The following CADM2 variants were observed in gnomAD, a reference collection of about 807,000 sequenced individuals.
The protein encoded by CADM2 is immunoglobulin superfamily member 4D.
A neutral mutation model predicts 49.8 loss-of-function variants in CADM2; 12 were observed. The ratio of observed to expected loss-of-function variants is 0.24; its 90% CI spans 0.15 to 0.39. The LOEUF (loss-of-function observed/expected upper bound fraction) is 0.39. Among genes scored for constraint, CADM2 ranks in the 10% least tolerant of loss-of-function variants. CADM2 has a pLI of 1.00. For synonymous variants in CADM2, 214 were observed against 175.4 expected, an observed-to-expected ratio of 1.22 and a Z score of -1.74; for missense variants, 378 against 492.3, an observed-to-expected ratio of 0.77 and a Z score of 2.20.
chr3:85,475,475 A>G (rs902991670), intron 1 of CADM2, among the ~76,000 whole-genome samples: 3 of 152,000 alleles, frequency 2.0e-5, no homozygotes, highest in Non-Finnish European at 4.4e-5. Flanking sequence ...ATTTATGGGA[A>G]TAAATTTTGG....
intron 1 of CADM2, among the ~76,000 whole-genome samples, chr3:85,558,492 CAT>C (rs1471947656): frequency 6.6e-6 from 1 of 151,894 alleles, no homozygotes; most frequent in African/African-American, 2.4e-5. Flanking sequence ...TATTACTAGA[CAT>C]ATTTATGCAA....
intron 1 of CADM2, among the ~76,000 whole-genome samples, chr3:85,159,324 G>T (rs1266442493): frequency 7.3e-6 from 1 of 136,406 alleles, no homozygotes; most frequent in Non-Finnish European, 1.5e-5. Flanking sequence ...TGGAGAGATG[G>T]GAGAAGACCC....
intron 1 of CADM2, among the ~76,000 whole-genome samples, chr3:85,041,449 G>A (rs1247188822): frequency 6.6e-6 from 1 of 152,146 alleles, no homozygotes; most frequent in East Asian, 1.9e-4. Context: ...GGAAGTGGGA[G>A]TCCGAAGAGG....
At chr3:85,198,326 C>T (rs2041398181) in intron 1 of CADM2, among the ~76,000 whole-genome samples, 1 of 151,112 alleles carries the variant, frequency 6.6e-6, no homozygotes, top group African/African-American at 2.4e-5. Flanking sequence ...TTAGAATGTC[C>T]TTTGGTACAG....
intron 8 of CADM2, 54 bp from the exon 9 acceptor site, chr3:86,065,551 A>G: frequency 6.4e-7 from 1 of 1,554,738 alleles, no homozygotes; most frequent in East Asian, 2.3e-5. Flanking sequence ...GCAGTTATGT[A>G]TTCTGTGACT....
intron 1 of CADM2, among the ~76,000 whole-genome samples, chr3:85,401,772 C>A (rs937668151): frequency 6.6e-6 from 1 of 152,172 alleles, no homozygotes; most frequent in South Asian, 2.1e-4. Context: ...ACCTCTCCCA[C>A]CCCCGCCAAA....
chr3:85,642,378 TA>T (rs1199998409), intron 1 of CADM2, among the ~76,000 whole-genome samples: 1 of 151,788 alleles, frequency 6.6e-6, no homozygotes, highest in Non-Finnish European at 1.5e-5. Context: ...AATGAAAAAC[TA>T]AAAAGTATTT....
intron 3 of CADM2, among the ~76,000 whole-genome samples, chr3:85,837,030 G>T (rs947465619): frequency 6.6e-6 from 1 of 151,472 alleles, no homozygotes; most frequent in Non-Finnish European, 1.5e-5. Flanking sequence ...GTTTCCATAC[G>T]ATATAGTTCA....
intron 6 of CADM2, among the ~76,000 whole-genome samples, chr3:85,917,176 A>G (rs1162997233): frequency 6.6e-6 from 1 of 151,948 alleles, no homozygotes; most frequent in Non-Finnish European, 1.5e-5. Context: ...GTTTAATTAG[A>G]TCCCATTTGT....
intron 1 of CADM2, among the ~76,000 whole-genome samples, chr3:85,722,146 G>A (rs1002529676): frequency 6.6e-6 from 1 of 152,140 alleles, no homozygotes; most frequent in South Asian, 2.1e-4. Flanking sequence ...CCTCTCTGCA[G>A]CTGGTTATCC....
intron 1 of CADM2, among the ~76,000 whole-genome samples, chr3:85,588,256 C>A (rs1268608669): frequency 6.6e-6 from 1 of 151,994 alleles, no homozygotes; most frequent in Non-Finnish European, 1.5e-5. Context: ...GGTGCATAGA[C>A]AGATTTTATT....
chr3:86,069,642 A>C lies in CADM2; in HGVS notation c.*2859A>C, dbSNP rs1259361649. 6.6e-6 allele frequency: 1 copy of C among 151,964 alleles called. No individual in the cohort carries two copies. The highest frequency in any genetic ancestry group is 2.4e-5 in the African/African-American group (1 of 41,420). The allele number at this position is 151,964 out of a possible 1,614,324, so 9.4% of individuals were successfully genotyped here. On this transcript the variant is annotated 3_prime_UTR_variant, in exon 10 of 10. Transcript: ENST00000383699. ...TGCACACTTGTGTGCACATAGAGTC[A>C]ATTTCTGTCTCTTCTAAGTGAGCAC...
chr3:85,740,319 C>T (rs1038990952), intron 2 of CADM2, among the ~76,000 whole-genome samples: 9 of 152,088 alleles, frequency 5.9e-5, no homozygotes, highest in Non-Finnish European at 1.3e-4. Context: ...CCAGTGAGCC[C>T]TGTAATAGCA....
At chr3:85,971,664 C>T (rs1363948620) in intron 8 of CADM2, among the ~76,000 whole-genome samples, 1 of 151,566 alleles carries the variant, frequency 6.6e-6, no homozygotes, top group Non-Finnish European at 1.5e-5. Context: ...GGAAAGGGCT[C>T]ACAATATTGA....
At chr3:85,337,089 A>G (rs1215599356) in intron 1 of CADM2, among the ~76,000 whole-genome samples, 1 of 146,266 alleles carries the variant, frequency 6.8e-6, no homozygotes, top group Non-Finnish European at 1.5e-5. Context: ...TTTAAGGGAA[A>G]ACAATATTTT....
At chr3:86,036,200 A>G (rs7634560) in intron 8 of CADM2, among the ~76,000 whole-genome samples, 105,964 of 151,986 alleles carry the variant, frequency 0.7, 38,573 homozygotes, top group African/African-American at 0.92. Flanking sequence ...CTATGCCCAC[A>G]GGAGAACTTA....
chr3:85,258,185 T>A (rs2042932903), intron 1 of CADM2, among the ~76,000 whole-genome samples: 2 of 152,056 alleles, frequency 1.3e-5, no homozygotes, highest in Non-Finnish European at 2.9e-5. Flanking sequence ...TCTCAGATAT[T>A]TAGAGGCTGG....
At chr3:85,527,279 A>G (rs2061182554) in intron 1 of CADM2, among the ~76,000 whole-genome samples, 1 of 151,588 alleles carries the variant, frequency 6.6e-6, no homozygotes, top group Non-Finnish European at 1.5e-5. Context: ...CCATCTACTC[A>G]GGATGCCAAG....
chr3:85,918,629 T>G (rs1245441937), intron 6 of CADM2, among the ~76,000 whole-genome samples: 1 of 152,114 alleles, frequency 6.6e-6, no homozygotes, highest in Non-Finnish European at 1.5e-5. Flanking sequence ...TTTTGTTGTG[T>G]CTCTGCCAGG....
Sources: gnomAD v4.1 joint callset for allele counts (sites outside exome capture counted in the v4.1 genomes callset) on GRCh38, gnomAD v4.1.1 for gene constraint, MANE v1.5 for transcripts, NCBI Gene and HGNC (gene_info 2026-07-23, HGNC 2026-07-21) for gene names.